CHD7: variants seen among roughly 807,000 people sequenced by gnomAD.
CHD7 encodes chromodomain helicase DNA binding protein 7.
In CHD7, 24 loss-of-function variants were observed where a neutral mutation model predicts 307.3. The observed-to-expected ratio is 0.08, with a 90% confidence interval of 0.06 to 0.11. CHD7 has a LOEUF of 0.11. Among genes scored for constraint, CHD7 ranks in the 10% least tolerant of loss-of-function variants. The pLI, the probability that CHD7 is intolerant of heterozygous loss-of-function variation, is 1.00. For missense variants in CHD7, 3,106 were observed against 3,727.1 expected, an observed-to-expected ratio of 0.83 and a Z score of 4.34; for synonymous variants, 1,363 against 1,349.9, an observed-to-expected ratio of 1.01 and a Z score of -0.21.
chr8:60,821,653 C>T (rs1323400661), intron 9 of CHD7, 137 bp from the exon 10 acceptor site: 5 of 597,850 alleles, frequency 8.4e-6, no homozygotes, highest in African/African-American at 1.9e-5. Flanking sequence ...CATATATATA[C>T]ACATACATAT....
intron 18 of CHD7, 60 bp downstream of exon 18, chr8:60,837,895 TAGTA>T (rs1804808310): frequency 6.8e-7 from 1 of 1,467,800 alleles, no homozygotes; most frequent in South Asian, 1.3e-5. Context: ...ATTTAACTAA[TAGTA>T]AGAAATTACT....
In CHD7 at chr8:60,741,277, G is replaced by T; in HGVS notation, c.-156G>T. On this transcript the variant is annotated 5_prime_UTR_variant, in exon 2 of 38. Transcript: ENST00000423902. The stretch of plus-strand genomic sequence containing the variant: ...CTTCCAGGACCTATATCCAGACTTT[G>T]CCTGACACTGCAGGGTCCAAGAGAA... 1.6e-6 allele frequency: 1 copy of T among 637,016 alleles called. No homozygotes were observed. The highest frequency in any genetic ancestry group is 2.7e-6 in the Non-Finnish European group (1 of 365,472). 39.5% of individuals were successfully genotyped at this position (637,016 alleles called of 1,614,324 possible). A position where few individuals can be genotyped will look rare whatever the true frequency, so the allele number is the denominator to read the frequency against.
Position 60,742,837 on chromosome 8 carries a change from A to G in CHD7, c.1405A>G (p.Arg469Gly), listed in dbSNP as rs868107005. ...RPFIGMSSAP[R>G]ELTGHMRPNG... Reference sequence around the variant, plus strand: ...ATTTATAGGCATGTCCTCGGCACCAAGGGAATTGACTGGGCACATGAGGCC... The same window carrying G: ...ATTTATAGGCATGTCCTCGGCACCAGGGGAATTGACTGGGCACATGAGGCC... Residue 469 changes from arginine to glycine, a missense_variant, in exon 2 of 38, where the codon AGG (arginine) becomes GGG (glycine). Around this residue, in one of 10 missense-constraint regions of CHD7, gnomAD observed 998 missense variants for 1,004.5 expected, o/e 0.99. Coordinates refer to ENST00000423902, the MANE Select transcript of CHD7 (RefSeq NM_017780.4). 1.8e-5 allele frequency: 29 copies of G among 1,613,458 alleles called. 2 individuals are homozygous for G. In the Middle Eastern group the frequency reaches 4.3e-3, roughly 239 times the overall value.
chr8:60,850,537 T>C lies in CHD7; in HGVS notation c.5449T>C (p.Phe1817Leu). The C allele has an allele frequency of 6.2e-7, 1 of 1,613,678 alleles. No individual in the cohort carries two copies. The highest frequency in any genetic ancestry group is 8.5e-7 in the Non-Finnish European group (1 of 1,179,746). The change falls in exon 26 of 38, where the codon TTT becomes CTT. Residue 1817 changes from phenylalanine (F) to leucine (L), a missense_variant. This residue lies in a region of CHD7 where 1,030 missense variants were observed against 1,165.4 expected (regional missense o/e 0.88). Coordinates refer to ENST00000423902, the MANE Select transcript of CHD7 (RefSeq NM_017780.4). ...NSMRADPALC[F>L]LERVGMPDAK... Reference sequence around the variant, plus strand: ...CATGCGAGCTGACCCCGCGCTGTGCTTTCTGGAACGAGTCGGTATGCCTGA... The same window carrying C: ...CATGCGAGCTGACCCCGCGCTGTGCCTTCTGGAACGAGTCGGTATGCCTGA...
At chr8:60,761,272 C>T (rs890226914) in intron 2 of CHD7, among the ~76,000 whole-genome samples, 4 of 140,524 alleles carry the variant, frequency 2.8e-5, no homozygotes, top group African/African-American at 8.1e-5. Context: ...TATTCTCACT[C>T]ATAGGTGGGA....
intron 1 of CHD7, among the ~76,000 whole-genome samples, chr8:60,698,242 C>G (rs150636558): frequency 1.0e-3 from 155 of 152,250 alleles, no homozygotes; most frequent in African/African-American, 3.6e-3. Flanking sequence ...AATTACTCAG[C>G]AATACAAAGC....
At chr8:60,855,450 T>C (rs968092899) in intron 32 of CHD7, among the ~76,000 whole-genome samples, 4 of 152,216 alleles carry the variant, frequency 2.6e-5, no homozygotes, top group South Asian at 2.1e-4. Flanking sequence ...GGAATGCAAA[T>C]TGACATTCAT....
chr8:60,823,131 A>G (rs1001556710), intron 12 of CHD7, among the ~76,000 whole-genome samples: 6 of 152,346 alleles, frequency 3.9e-5, no homozygotes, highest in African/African-American at 1.4e-4. Context: ...GAAAAATAGT[A>G]AGCATGTAAA....
At chr8:60,691,113 A>G (rs1187073050) in intron 1 of CHD7, among the ~76,000 whole-genome samples, 1 of 151,944 alleles carries the variant, frequency 6.6e-6, no homozygotes, top group Non-Finnish European at 1.5e-5. Flanking sequence ...TTTAGTAGAG[A>G]TGGGGTTTCG....
chr8:60,682,218 A>T (rs775395302), intron 1 of CHD7, among the ~76,000 whole-genome samples: 1 of 152,204 alleles, frequency 6.6e-6, no homozygotes, highest in East Asian at 1.9e-4. Context: ...AATCAGTTCA[A>T]CTTACAGGAA....
intron 1 of CHD7, among the ~76,000 whole-genome samples, chr8:60,698,673 AT>A (rs1806611634): frequency 6.6e-6 from 1 of 152,218 alleles, no homozygotes; most frequent in African/African-American, 2.4e-5. Context: ...TATAGTTAAT[AT>A]TGTTAAGGCT....
chr8:60,703,222 G>A (rs1321725069), intron 1 of CHD7, among the ~76,000 whole-genome samples: 1 of 152,108 alleles, frequency 6.6e-6, no homozygotes, highest in Non-Finnish European at 1.5e-5. Flanking sequence ...GATACTAAAT[G>A]CATATTCATA....
rs1259763196 is a variant in CHD7 at position 60,867,820 on chromosome 8, A to G, written c.*1887A>G. On this transcript the variant is annotated 3_prime_UTR_variant, in exon 38 of 38. Transcript: ENST00000423902. ...GATCCTGTGATTGCTTTTATTTATC[A>G]TCGTCGTTGTCTGCTGAAAGTGAAT... The G allele has an allele frequency of 1.3e-5, 2 of 152,142 alleles. No homozygotes were observed. Among genetic ancestry groups the G allele is most frequent in the African/African-American group, 2.4e-5 (1 of 41,372 alleles). The allele number at this position is 152,142 out of a possible 1,614,324, so 9.4% of individuals were successfully genotyped here. A position where few individuals can be genotyped will look rare whatever the true frequency, so the allele number is the denominator to read the frequency against.
chr8:60,703,829 C>A (rs974978593), intron 1 of CHD7, among the ~76,000 whole-genome samples: 3 of 152,218 alleles, frequency 2.0e-5, no homozygotes, highest in African/African-American at 7.2e-5. Flanking sequence ...TAAACTCCTA[C>A]CTCTCCCTGA....
intron 1 of CHD7, among the ~76,000 whole-genome samples, chr8:60,717,222 G>A (rs532933126): frequency 2.0e-5 from 3 of 152,210 alleles, no homozygotes; most frequent in East Asian, 3.9e-4. Flanking sequence ...TGTCAAGTTG[G>A]AATTATAGTG....
rs1295446479 is a variant in CHD7, at chr8:60,862,344, C to G, written c.7971+8C>G. The G allele has an allele frequency of 6.3e-7, 1 of 1,597,320 alleles. No individual in the cohort carries two copies. Among genetic ancestry groups the G allele is most frequent in the African/African-American group, 1.4e-5 (1 of 73,980 alleles). On this transcript the variant is annotated splice_region_variant and intron_variant, in intron 36 of 37. Transcript: ENST00000423902. ...AAACGAAATGGGAAGAAGGTAAACGCTGGGAAAGGGAATTGATCACTATGC... is the reference window on the plus strand; with the variant it reads ...AAACGAAATGGGAAGAAGGTAAACGGTGGGAAAGGGAATTGATCACTATGC...
chr8:60,758,961 C>T (rs11985638), intron 2 of CHD7, among the ~76,000 whole-genome samples: 117,694 of 152,140 alleles, frequency 0.77, 45,796 homozygotes, highest in East Asian at 0.94. Context: ...CAATTACCAG[C>T]GTATTTTTCT....
intron 1 of CHD7, among the ~76,000 whole-genome samples, chr8:60,705,158 G>T (rs1454114061): frequency 1.3e-5 from 2 of 152,182 alleles, no homozygotes; most frequent in East Asian, 3.8e-4. Context: ...GATAAGTGTG[G>T]AGTCTAAAAG....
chr8:60,757,125 C>T (rs1809939627), intron 2 of CHD7, among the ~76,000 whole-genome samples: 1 of 152,056 alleles, frequency 6.6e-6, no homozygotes. Context: ...GTAGGAAATC[C>T]AGCCCTTTAT....
Sources: allele counts gnomAD v4.1 joint callset (sites outside exome capture counted in the v4.1 genomes callset), GRCh38; gene constraint gnomAD v4.1.1; regional missense constraint gnomAD v4.1.1; transcripts MANE v1.5; gene names NCBI Gene and HGNC (gene_info 2026-07-23, HGNC 2026-07-21).